GCNT2: variants seen among roughly 807,000 people sequenced by gnomAD.
The protein encoded by GCNT2 is N-acetyllactosaminide beta-1,6-N-acetylglucosaminyl-transferase.
GCNT2 carries 34 observed loss-of-function variants against 34.2 expected under a neutral mutation model. The ratio of observed to expected loss-of-function variants is 1.00; its 90% CI spans 0.76 to 1.32. GCNT2 has a LOEUF of 1.32. Among genes scored for constraint, GCNT2 ranks in the 40% most tolerant of loss-of-function variants. The pLI, the probability that GCNT2 is intolerant of heterozygous loss-of-function variation, is 0.00. For missense variants in GCNT2, 584 were observed against 489.4 expected, an observed-to-expected ratio of 1.19 and a Z score of -1.82; for synonymous variants, 212 against 188.0, an observed-to-expected ratio of 1.13 and a Z score of -1.04.
At position 10,530,706 on chromosome 6, in the gene GCNT2, A is replaced by T. The variant is rs367663105; in HGVS notation, c.925+870A>T. The stretch of plus-strand genomic sequence containing the variant: ...GGCAACATAGTGAGACACTGTCTCT[A>T]TTTTTTTTCAAGAAGTTAAAACAAA... On this transcript the variant is annotated intron_variant, in intron 3 of 4. Coordinates refer to ENST00000495262, the MANE Select transcript of GCNT2 (RefSeq NM_145649.5). Among the ~76,000 whole-genome samples, 31 of 151,820 alleles carry T rather than the reference A, an allele frequency of 2.0e-4. No homozygotes were observed. In the East Asian group the frequency reaches 5.6e-3, roughly 28 times the overall value.
intron 3 of GCNT2, among the ~76,000 whole-genome samples, chr6:10,563,768 AAAAAAAAAAATATATAT>A (rs1330065674): frequency 2.7e-4 from 20 of 74,682 alleles, no homozygotes; most frequent in African/African-American, 1.1e-3. Context: ...AAAAAAAAAA[AAAAAAAAAAATATATAT>A]ATATATATAT....
chr6:10,540,270 C>T (rs765471250), intron 3 of GCNT2, among the ~76,000 whole-genome samples: 3 of 152,166 alleles, frequency 2.0e-5, no homozygotes, highest in Non-Finnish European at 1.5e-5. Flanking sequence ...GTGACTAAAG[C>T]CTCCTACCTC....
chr6:10,597,414 C>T (rs1422418179), intron 3 of GCNT2, among the ~76,000 whole-genome samples: 1 of 152,004 alleles, frequency 6.6e-6, no homozygotes, highest in African/African-American at 2.4e-5. Context: ...CTCAGCCCCC[C>T]AGAGTGCTGG....
intron 3 of GCNT2, among the ~76,000 whole-genome samples, chr6:10,610,927 T>C (rs1765522037): frequency 6.6e-6 from 1 of 152,234 alleles, no homozygotes; most frequent in South Asian, 2.1e-4. Flanking sequence ...TTTCTTCATT[T>C]CATCTTTTCC....
chr6:10,566,281 G>A (rs1269111541), intron 3 of GCNT2, among the ~76,000 whole-genome samples: 2 of 151,464 alleles, frequency 1.3e-5, no homozygotes, highest in Non-Finnish European at 2.9e-5. Context: ...ACTATTATTG[G>A]TCTTTTTATT....
intron 3 of GCNT2, among the ~76,000 whole-genome samples, chr6:10,576,470 C>G (rs946872764): frequency 1.3e-5 from 2 of 152,018 alleles, no homozygotes; most frequent in African/African-American, 2.4e-5. Flanking sequence ...TGGTCGTAAT[C>G]GTGAGTTTCC....
At chr6:10,567,898 A>G (rs1377933241) in intron 3 of GCNT2, among the ~76,000 whole-genome samples, 1 of 152,234 alleles carries the variant, frequency 6.6e-6, no homozygotes, top group East Asian at 1.9e-4. Context: ...GCCAATGATA[A>G]ATGGATTTTA....
At chr6:10,533,691 A>C (rs1371576627) in intron 3 of GCNT2, among the ~76,000 whole-genome samples, 2 of 150,878 alleles carry the variant, frequency 1.3e-5, no homozygotes, top group Non-Finnish European at 3.0e-5. Context: ...CGGGAGACTG[A>C]AGCAGGAGAA....
intron 3 of GCNT2, 74 bp downstream of exon 3, chr6:10,529,910 A>T: frequency 8.1e-7 from 1 of 1,230,388 alleles, no homozygotes; most frequent in South Asian, 1.3e-5. Context: ...TGCTTTGAAA[A>T]GAGTGGAAAA....
rs1252697350 is a variant in GCNT2 at position 10,529,491 on chromosome 6, G to C, written c.580G>C (p.Asp194His). ...GTATGTCATCAACACCTGCGGGCAA[G>C]ACTTTCCCCTGAAAACCAACAGGGA... ...WKYVINTCGQ[D>H]FPLKTNREIV... The change falls in exon 3 of 5, where the codon GAC (aspartate) becomes CAC (histidine). Residue 194 changes from aspartate to histidine, a missense_variant. Coordinates refer to ENST00000495262, the MANE Select transcript of GCNT2 (RefSeq NM_145649.5). The C allele has an allele frequency of 1.2e-6, 2 of 1,614,096 alleles. No individual in the cohort carries two copies. Among genetic ancestry groups the C allele is most frequent in the Non-Finnish European group, 1.7e-6 (2 of 1,180,000 alleles).
At chr6:10,557,636 C>T (rs1762784374) in intron 3 of GCNT2, among the ~76,000 whole-genome samples, 1 of 151,930 alleles carries the variant, frequency 6.6e-6, no homozygotes, top group South Asian at 2.1e-4. Context: ...TACAGGTGCA[C>T]ACCACCATAC....
In GCNT2 at chr6:10,556,812, C is replaced by G. The variant is rs1762731450; in HGVS notation, c.925+26976C>G. ...TACTGTGTTCATGTGGATGAAAAAG[C>G]AACAACTGAATTTAAAGATGCGGTA... On this transcript the variant is annotated intron_variant, in intron 3 of 4. Coordinates refer to ENST00000495262, the MANE Select transcript of GCNT2 (RefSeq NM_145649.5). 1 of 1,614,166 alleles carries G rather than the reference C, an allele frequency of 6.2e-7. No homozygotes were observed. Among genetic ancestry groups the G allele is most frequent in the Non-Finnish European group, 8.5e-7 (1 of 1,180,014 alleles).
At chr6:10,565,173 C>T (rs948343081) in intron 3 of GCNT2, among the ~76,000 whole-genome samples, 5 of 152,152 alleles carry the variant, frequency 3.3e-5, no homozygotes, top group South Asian at 2.1e-4. Context: ...CATAGCCGAG[C>T]GAACGAGGAT....
chr6:10,620,210 A>G (rs1765972378), intron 3 of GCNT2, among the ~76,000 whole-genome samples: 2 of 152,186 alleles, frequency 1.3e-5, no homozygotes, highest in Admixed American at 6.5e-5. Flanking sequence ...CTACCACAAT[A>G]TATCTTATCA....
intron 3 of GCNT2, among the ~76,000 whole-genome samples, chr6:10,578,768 G>A (rs1326609080): frequency 6.6e-6 from 1 of 152,140 alleles, no homozygotes; most frequent in East Asian, 1.9e-4. Flanking sequence ...TCTTGTGGAG[G>A]AGAGAACATG....
chr6:10,556,140 C>T (rs1942337064), intron 3 of GCNT2: 2 of 1,316,392 alleles, frequency 1.5e-6, no homozygotes, highest in African/African-American at 3.0e-5. Context: ...CTAGCAGATG[C>T]AAACGGGGAG....
At chr6:10,542,511 A>G (rs1253730168) in intron 3 of GCNT2, among the ~76,000 whole-genome samples, 1 of 152,212 alleles carries the variant, frequency 6.6e-6, no homozygotes, top group African/African-American at 2.4e-5. Flanking sequence ...AAGAAACCTC[A>G]TGACCACTTC....
At chr6:10,617,743 A>ATTTTTTTTTTTTTTTTT (rs1254996839) in intron 3 of GCNT2, among the ~76,000 whole-genome samples, 11 of 112,776 alleles carry the variant, frequency 9.8e-5, no homozygotes, top group Non-Finnish European at 1.4e-4. Flanking sequence ...CAGAGTCTGC[A>ATTTTTTTTTTTTTTTTT]TTTCTTCTTT....
At chr6:10,539,315 G>A (rs1293003914) in intron 3 of GCNT2, among the ~76,000 whole-genome samples, 2 of 148,092 alleles carry the variant, frequency 1.4e-5, no homozygotes, top group Non-Finnish European at 3.0e-5. Flanking sequence ...TCAGCCTCCC[G>A]AGTTGCTGGG....
Sources: gnomAD v4.1 joint callset for allele counts (sites outside exome capture counted in the v4.1 genomes callset) on GRCh38, gnomAD v4.1.1 for gene constraint, MANE v1.5 for transcripts, NCBI Gene and HGNC (gene_info 2026-07-23, HGNC 2026-07-21) for gene names.